The following WAPL variants were observed in gnomAD, a reference collection of about 807,000 sequenced individuals.
The protein encoded by WAPL is WAPL cohesin release factor.
Under a neutral mutation model 121.0 loss-of-function variants are expected in WAPL, and 5 were observed. The ratio of observed to expected loss-of-function variants is 0.04; its 90% confidence interval spans 0.02 to 0.09. WAPL has a LOEUF of 0.09. Among genes scored for constraint, WAPL ranks in the 10% least tolerant of loss-of-function variants. The pLI, the probability that WAPL is intolerant of heterozygous loss-of-function variation, is 1.00. For synonymous variants in WAPL, 480 were observed against 481.5 expected (o/e 1.00, Z 0.04); for missense variants, 999 against 1,410.8 (o/e 0.71, Z 4.68).
chr10:86,444,092 A>G (rs1347253796), intron 16 of WAPL: 1 of 152,230 alleles, frequency 6.6e-6, no homozygotes, highest in Non-Finnish European at 1.5e-5. Flanking sequence ...AGATACACAA[A>G]TGGCCAATGA....
intron 15 of WAPL, among the ~76,000 whole-genome samples, chr10:86,450,739 C>T (rs1185548013): frequency 2.0e-5 from 3 of 152,188 alleles, no homozygotes; most frequent in African/African-American, 4.8e-5. Flanking sequence ...TAATCTATCA[C>T]TAGTTTCACA....
chr10:86,490,213 C>CA (rs140799916), intron 4 of WAPL, among the ~76,000 whole-genome samples: 111 of 141,276 alleles, frequency 7.9e-4, no homozygotes, highest in East Asian at 6.3e-3. Context: ...GACTCCATCT[C>CA]AAAAAAAAAA....
chr10:86,513,995 G>A (rs1490790798), intron 2 of WAPL, among the ~76,000 whole-genome samples: 2 of 152,152 alleles, frequency 1.3e-5, no homozygotes, highest in Non-Finnish European at 2.9e-5. Context: ...GGAGAAAAGA[G>A]TTCAAAACTT....
In WAPL at chr10:86,453,680, A is replaced by T; in HGVS notation, c.2809T>A (p.Leu937Met). ...CCATTATCATTAGTTAAATTAAGCA[A>T]CACCCCGATGATGGCCCTCATGCAG... ...EDCMRAIIGVLLNLTNDNEWG... is the reference protein window; with the variant it reads ...EDCMRAIIGVMLNLTNDNEWG... Residue 937 changes from leucine (L) to methionine (M), a missense_variant, in exon 13 of 19, where the codon TTG becomes ATG. By Grantham distance (15) the Leu-to-Met change is conservative. This residue lies in a region of WAPL where 85 missense variants were observed against 133.5 expected (regional missense o/e 0.64). Coordinates refer to ENST00000298767, the MANE Select transcript of WAPL (RefSeq NM_015045.5). 1 of 1,602,462 alleles carries T rather than the reference A, an allele frequency of 6.2e-7. No individual in the cohort carries two copies. Among genetic ancestry groups the T allele is most frequent in the African/African-American group, 1.3e-5 (1 of 74,348 alleles).
At position 86,463,626 on chromosome 10, in the gene WAPL, T is replaced by C. The variant is rs1841336150; in HGVS notation, c.2371-2339A>G. Among the ~76,000 whole-genome samples, 4 of 152,234 alleles carry C rather than the reference T, an allele frequency of 2.6e-5. No individual in the cohort carries two copies. The South Asian group carries it at 8.3e-4, about 31-fold the overall frequency. Reference sequence around the variant, plus strand: ...ATTAAAAAAGAGTCAACAGTTAAACTTTGGGAGCCAGTGTATGGTGTTTAT... The same window carrying C: ...ATTAAAAAAGAGTCAACAGTTAAACCTTGGGAGCCAGTGTATGGTGTTTAT... On this transcript the variant is annotated intron_variant, in intron 9 of 18. Transcript: ENST00000298767.
chr10:86,513,814 A>G (rs1842510002), intron 2 of WAPL, among the ~76,000 whole-genome samples: 1 of 152,224 alleles, frequency 6.6e-6, no homozygotes, highest in African/African-American at 2.4e-5. Flanking sequence ...AATAGTATGA[A>G]CGAGAAGGAC....
chr10:86,481,618 C>G (rs925262352), intron 4 of WAPL, among the ~76,000 whole-genome samples: 1 of 152,110 alleles, frequency 6.6e-6, no homozygotes, highest in Non-Finnish European at 1.5e-5. Flanking sequence ...GGTGATCTGC[C>G]TGCTTTGGCA....
Position 86,443,359 on chromosome 10 carries a change from A to T in WAPL, c.3327T>A (p.Leu1109=). Residue 1109 remains leucine, a synonymous_variant, in exon 17 of 19, where the codon CTT becomes CTA. Transcript: ENST00000298767. ...EDEELDLNKA[L]QHAGKHMEDC... ...CCTCCATGTGTTTGCCGGCATGCTG[A>T]AGGGCTGAGAGAATTGAAGTAAAGA... 3 of 1,614,010 alleles carry T rather than the reference A, an allele frequency of 1.9e-6. No homozygotes were observed. Among genetic ancestry groups the T allele is most frequent in the Non-Finnish European group, 2.5e-6 (3 of 1,179,952 alleles).
intron 17 of WAPL, among the ~76,000 whole-genome samples, chr10:86,442,796 T>C (rs1187174647): frequency 1.3e-5 from 2 of 152,076 alleles, no homozygotes; most frequent in South Asian, 2.1e-4. Flanking sequence ...TCCCAGAACT[T>C]TGGGAGTCCA....
At chr10:86,479,760 G>A (rs1171609467) in intron 4 of WAPL, among the ~76,000 whole-genome samples, 1 of 152,184 alleles carries the variant, frequency 6.6e-6, no homozygotes, top group Non-Finnish European at 1.5e-5. Context: ...GTACTGCAAT[G>A]CATAACTATG....
chr10:86,494,189 G>A (rs935040161), intron 4 of WAPL, among the ~76,000 whole-genome samples: 1 of 151,938 alleles, frequency 6.6e-6, no homozygotes, highest in Non-Finnish European at 1.5e-5. Flanking sequence ...CCTTAATGAA[G>A]GAATAAAAAT....
In WAPL at chr10:86,437,539, G is replaced by A; in HGVS notation, c.*4C>T. The A allele has an allele frequency of 6.2e-7, 1 of 1,613,512 alleles. No homozygotes were observed. Among genetic ancestry groups the A allele is most frequent in the South Asian group, 1.1e-5 (1 of 90,958 alleles). On this transcript the variant is annotated 3_prime_UTR_variant, in exon 19 of 19. Coordinates refer to ENST00000298767, the MANE Select transcript of WAPL (RefSeq NM_015045.5). ...ACCGAGCACCTGAAGCAAAGGTAAA[G>A]CAGCTAGCAATGTTCCAAATATTCA...
At chr10:86,473,743 T>C in intron 5 of WAPL, 135 bp downstream of exon 5, 3 of 628,320 alleles carry the variant, frequency 4.8e-6, no homozygotes, top group Non-Finnish European at 8.0e-6. Flanking sequence ...CTGAAACTAA[T>C]AAGTTTCAGT....
chr10:86,452,192 A>G, intron 14 of WAPL, 61 bp from the exon 15 acceptor site: 1 of 1,497,804 alleles, frequency 6.7e-7, no homozygotes, highest in African/African-American at 1.4e-5. Flanking sequence ...AATGAACACA[A>G]TATACACAAT....
intron 9 of WAPL, 117 bp from the exon 10 acceptor site, chr10:86,461,404 A>G (rs1006052077): frequency 2.8e-6 from 2 of 703,022 alleles, no homozygotes; most frequent in Admixed American, 2.9e-5. Context: ...TTTTATACAT[A>G]AAATTGAACT....
chr10:86,448,005 G>A (rs1849668126), intron 15 of WAPL, among the ~76,000 whole-genome samples: 1 of 151,840 alleles, frequency 6.6e-6, no homozygotes, highest in Non-Finnish European at 1.5e-5. Flanking sequence ...CTGAGATGGT[G>A]CCGCTGCACT....
At position 86,500,245 on chromosome 10, in the gene WAPL, C is replaced by T; in HGVS notation, c.998G>A (p.Gly333Asp). The T allele has an allele frequency of 1.9e-6, 3 of 1,614,178 alleles. No individual in the cohort carries two copies. The highest frequency in any genetic ancestry group is 1.1e-5 in the South Asian group (1 of 91,076). ...ACCCCCTTTCTTTGCCTGATTCAGGCCATCTTTACTCGATTCACTGTTTGC... is the reference window on the plus strand; with the variant it reads ...ACCCCCTTTCTTTGCCTGATTCAGGTCATCTTTACTCGATTCACTGTTTGC... Reference protein sequence around the residue: ...AKANSESSKDGLNQAKKGGVS... With the variant: ...AKANSESSKDDLNQAKKGGVS... The change falls in exon 3 of 19, where the codon GGC (glycine) becomes GAC (aspartate). Residue 333 changes from glycine (G) to aspartate (D), a missense_variant. Physicochemically the swap from Gly to Asp is moderately conservative, Grantham distance 94. This residue lies in a region of WAPL where 531 missense variants were observed against 563.1 expected (regional missense o/e 0.94). Transcript: ENST00000298767.
At position 86,499,833 on chromosome 10, in the gene WAPL, T is replaced by C; in HGVS notation, c.1410A>G (p.Gln470=). 1 of 1,613,996 alleles carries C rather than the reference T, an allele frequency of 6.2e-7. No homozygotes were observed. The highest frequency in any genetic ancestry group is 8.5e-7 in the Non-Finnish European group (1 of 1,179,978). ...ESEDDEDDDC[Q]VERKTSKKRT... The stretch of plus-strand genomic sequence containing the variant: ...TTTTTTTGCTTGTCTTTCTTTCTAC[T>C]TGACAGTCATCATCTTCATCATCTT... Residue 470 remains glutamine (Q), a synonymous_variant, in exon 3 of 19, where the codon CAA becomes CAG. Transcript: ENST00000298767.
In WAPL at chr10:86,453,755, G is replaced by C; in HGVS notation, c.2734C>G (p.Pro912Ala). ...TTAGTTACATTCTGGTGAGGCAGAG[G>C]CTTACTGTCAGCTAAGCATATGCTG... Reference protein sequence around the residue: ...EDSICLADSKPLPHQNVTNHV... With the variant: ...EDSICLADSKALPHQNVTNHV... Residue 912 changes from proline (P) to alanine (A), a missense_variant, in exon 13 of 19, where the codon CCT becomes GCT. By Grantham distance (27) the Pro-to-Ala change is conservative. Around this residue, in one of 7 missense-constraint regions of WAPL, gnomAD observed 85 missense variants for 133.5 expected, o/e 0.64. Transcript: ENST00000298767. 1 of 1,614,150 alleles carries C rather than the reference G, an allele frequency of 6.2e-7. No individual in the cohort carries two copies. Among genetic ancestry groups the C allele is most frequent in the Non-Finnish European group, 8.5e-7 (1 of 1,180,024 alleles).
Sources: gnomAD v4.1 joint callset for allele counts (sites outside exome capture counted in the v4.1 genomes callset) on GRCh38, gnomAD v4.1.1 for gene constraint, gnomAD v4.1.1 regional missense constraint, MANE v1.5 for transcripts, NCBI Gene and HGNC (gene_info 2026-07-23, HGNC 2026-07-21) for gene names.